YIPF2: variants seen among roughly 807,000 people sequenced by gnomAD.
YIPF2 encodes the protein protein YIPF2.
YIPF2 carries 30 observed loss-of-function variants against 38.8 expected under a neutral mutation model. That is an observed-to-expected ratio of 0.77 (90% CI 0.58 to 1.05). The LOEUF (loss-of-function observed/expected upper bound fraction) is 1.05. Ranked by LOEUF, YIPF2 falls within the 50% of genes least tolerant of loss-of-function variation. YIPF2 has a pLI of 0.00. For missense variants in YIPF2, 401 were observed against 409.7 expected (o/e 0.98, Z 0.18); for synonymous variants, 194 against 183.8 (o/e 1.06, Z -0.45).
rs1433116098 is a variant in YIPF2 at position 10,928,262 on chromosome 19, C to T, written c.31+118G>A. 3.2e-6 allele frequency: 4 copies of T among 1,255,532 alleles called. No homozygotes were observed. The South Asian group carries it at 9.5e-5, about 30-fold the overall frequency. 77.8% of individuals were successfully genotyped at this position (1,255,532 alleles called of 1,614,324 possible). On this transcript the variant is annotated intron_variant, in intron 2 of 9. Transcript: ENST00000586748. ...TTCGAGTCAGAGATGGGTCTCACTC[C>T]TGGGTCAGGGTTCACAGCCGCCTAG... is the stretch of plus-strand genomic sequence containing the variant.
Position 10,923,359 on chromosome 19 carries a change from G to C in YIPF2, c.883C>G (p.Gln295Glu). 1 of 1,613,490 alleles carries C rather than the reference G, an allele frequency of 6.2e-7. No individual in the cohort carries two copies. The highest frequency in any genetic ancestry group is 8.5e-7 in the Non-Finnish European group (1 of 1,179,724). Residue 295 changes from glutamine (Q) to glutamate (E), a missense_variant, in exon 9 of 10, where the codon CAA becomes GAA. Coordinates refer to ENST00000586748, the MANE Select transcript of YIPF2 (RefSeq NM_001321439.2). Reference protein sequence around the residue: ...LPPENVAPPPQITSLPSNIAL... With the variant: ...LPPENVAPPPEITSLPSNIAL... ...ATGTTTGAGGGCAGAGATGTGATTT[G>C]GGGTGGAGGAGCCACGTTCTCCGGA...
intron 4 of YIPF2, 117 bp from the exon 5 acceptor site, chr19:10,925,890 T>A: frequency 2.2e-4 from 139 of 644,596 alleles, no homozygotes; most frequent in Middle Eastern, 4.7e-4. Context: ...CTGAAAGAAC[T>A]CAGCCTTTCC....
chr19:10,923,596 A>G lies in YIPF2; in HGVS notation c.733T>C (p.Phe245Leu), dbSNP rs371435738. ...ALGLSAAGLV[F>L]TLWPVVREDT... ...TCACGGACCACGGGCCAGAGGGTGAATACCAGCCCGGCGGCTGACAGGCCC... is the reference window on the plus strand; with the variant it reads ...TCACGGACCACGGGCCAGAGGGTGAGTACCAGCCCGGCGGCTGACAGGCCC... The change falls in exon 8 of 10, where the codon TTC becomes CTC. Residue 245 changes from phenylalanine (F) to leucine (L), a missense_variant. Phe to Leu is a conservative substitution (Grantham distance 22). Transcript: ENST00000586748. The G allele has an allele frequency of 1.4e-5, 23 of 1,612,936 alleles. No individual in the cohort carries two copies. In the Middle Eastern group the frequency reaches 4.9e-4, roughly 35 times the overall value.
In YIPF2 at chr19:10,922,285, C is replaced by T. The variant is rs1308821957; in HGVS notation, c.*909G>A. 1 of 152,736 alleles carries T rather than the reference C, an allele frequency of 6.5e-6. No homozygotes were observed. The highest frequency in any genetic ancestry group is 1.5e-5 in the Non-Finnish European group (1 of 68,104). 9.5% of individuals were successfully genotyped at this position (152,736 alleles called of 1,614,324 possible). On this transcript the variant is annotated 3_prime_UTR_variant, in exon 10 of 10. Coordinates refer to ENST00000586748, the MANE Select transcript of YIPF2 (RefSeq NM_001321439.2). ...GGCCGGCCGGGCCGAGCCAGCAGCC[C>T]CTCTCCCTAGACTCAGAGGCGCCGC...
intron 4 of YIPF2, 70 bp from the exon 5 acceptor site, chr19:10,925,843 C>G: frequency 6.9e-7 from 1 of 1,459,510 alleles, no homozygotes; most frequent in Admixed American, 1.9e-5. Flanking sequence ...GAGGCTCCTT[C>G]CCTGCTGACC....
At chr19:10,926,412 G>A (rs576883639) in intron 4 of YIPF2, among the ~76,000 whole-genome samples, 2 of 151,614 alleles carry the variant, frequency 1.3e-5, no homozygotes, top group Non-Finnish European at 2.9e-5. Flanking sequence ...ATTTTTAGTA[G>A]AGATGGGGTT....
intron 4 of YIPF2, 132 bp from the exon 5 acceptor site, chr19:10,925,905 C>T (rs1192067109): frequency 7.8e-4 from 339 of 434,042 alleles, no homozygotes; most frequent in South Asian, 3.1e-3. Flanking sequence ...CTTTCCCTCT[C>T]TTTTTTTTTT....
Position 10,923,660 on chromosome 19 carries a change from A to G in YIPF2, c.669T>C (p.Pro223=), listed in dbSNP as rs994092519. ...FIPMVVLWLI[P]VPWLQWLFGA... The stretch of plus-strand genomic sequence containing the variant: ...CAAAGAGCCACTGCAGCCAAGGCAC[A>G]GGGATGAGCCACAGGACCTGGGAGC... The change falls in exon 8 of 10, where the codon CCT becomes CCC. Residue 223 remains proline (P), a synonymous_variant. Transcript: ENST00000586748. The G allele has an allele frequency of 7.5e-6, 12 of 1,609,992 alleles. No homozygotes were observed. In the African/African-American group the frequency reaches 1.3e-4, roughly 18 times the overall value.
Position 10,922,827 on chromosome 19 carries a change from AGAT to A in YIPF2, c.*364_*366del, listed in dbSNP as rs960409329. 1 of 154,714 alleles carries A rather than the reference AGAT, an allele frequency of 6.5e-6. No homozygotes were observed. The highest frequency in any genetic ancestry group is 1.4e-5 in the Non-Finnish European group (1 of 69,778). 9.6% of individuals were successfully genotyped at this position (154,714 alleles called of 1,614,324 possible). Reference sequence around the variant, plus strand: ...CCCTGTTTCTCATACCCCCAAACTCAGATGCTGGAGCTCAGGCCCGCCGTGTGT... The same window carrying A: ...CCCTGTTTCTCATACCCCCAAACTCAGCTGGAGCTCAGGCCCGCCGTGTGT... On this transcript the variant is annotated 3_prime_UTR_variant, in exon 10 of 10. Coordinates refer to ENST00000586748, the MANE Select transcript of YIPF2 (RefSeq NM_001321439.2).
Position 10,927,948 on chromosome 19 carries a change from C to A in YIPF2, c.43G>T (p.Ala15Ser). The A allele has an allele frequency of 6.2e-7, 1 of 1,606,546 alleles. No individual in the cohort carries two copies. The highest frequency in any genetic ancestry group is 1.1e-5 in the South Asian group (1 of 90,946). Residue 15 changes from alanine (A) to serine (S), a missense_variant, in exon 3 of 10, where the codon GCC becomes TCC. By Grantham distance (99) the Ala-to-Ser change is moderately conservative. Coordinates refer to ENST00000586748, the MANE Select transcript of YIPF2 (RefSeq NM_001321439.2). ...DELTFHEFEE[A>S]TNLLADTPDA... ...GGGGTGTCAGCCAGAAGATTAGTGGCCTCCTCGAATTCTGTGGAGGAGGTA... is the reference window on the plus strand; with the variant it reads ...GGGGTGTCAGCCAGAAGATTAGTGGACTCCTCGAATTCTGTGGAGGAGGTA...
intron 2 of YIPF2, 128 bp downstream of exon 2, chr19:10,928,252 G>A: frequency 8.5e-7 from 1 of 1,170,190 alleles, no homozygotes; most frequent in Non-Finnish European, 1.1e-6. Context: ...GTCAGAGATG[G>A]GTCTCACTCC....
At chr19:10,926,198 A>G (rs934350869) in intron 4 of YIPF2, among the ~76,000 whole-genome samples, 15 of 148,778 alleles carry the variant, frequency 1.0e-4, no homozygotes, top group Admixed American at 1.0e-3. Context: ...GGCGTGAGCC[A>G]CCGTTCCCAG....
intron 2 of YIPF2, 35 bp downstream of exon 2, chr19:10,928,345 A>C: frequency 7.6e-7 from 1 of 1,323,182 alleles, no homozygotes; most frequent in Non-Finnish European, 9.7e-7. Flanking sequence ...CCGGGGCGGG[A>C]GTGGGAGATC....
Position 10,923,384 on chromosome 19 carries a change from A to C in YIPF2, c.858T>G (p.Pro286=). The change falls in exon 9 of 10, where the codon CCT becomes CCG. Residue 286 remains proline, a synonymous_variant. Transcript: ENST00000586748. The stretch of plus-strand genomic sequence containing the variant: ...GGGGTGGAGGAGCCACGTTCTCCGG[A>C]GGCAGCGACTGGAAGAAGTACAACT... ...GCKLYFFQSL[P]PENVAPPPQI... is the part of the protein sequence containing the mutation. 6.2e-7 allele frequency: 1 copy of C among 1,613,618 alleles called. No homozygotes were observed. The highest frequency in any genetic ancestry group is 8.5e-7 in the Non-Finnish European group (1 of 1,179,778).
At position 10,923,872 on chromosome 19, in the gene YIPF2, GCA is replaced by G. The variant is rs746044305; in HGVS notation, c.610_611del (p.Cys204HisfsTer49). 5.0e-6 allele frequency: 8 copies of G among 1,613,350 alleles called. No individual in the cohort carries two copies. The Admixed American group carries it at 5.0e-5, about 10-fold the overall frequency. On this transcript the variant is annotated frameshift_variant, in exon 7 of 10. Transcript: ENST00000586748. LOFTEE classifies it high-confidence loss of function. ...MGPYTFLETV[C>X]IYGYSLFVFI... ...AGACAAAGAGGGAGTAGCCGTAGAT[GCA>G]CACAGTCTCCAGGAAGGTGTAGGGC...
At position 10,922,818 on chromosome 19, in the gene YIPF2, C is replaced by G. The variant is rs2074280808; in HGVS notation, c.*376G>C. The G allele has an allele frequency of 6.5e-6, 1 of 154,370 alleles. No individual in the cohort carries two copies. Among genetic ancestry groups the G allele is most frequent in the African/African-American group, 2.4e-5 (1 of 41,566 alleles). The allele number at this position is 154,370 out of a possible 1,614,324, so 9.6% of individuals were successfully genotyped here. A position where few individuals can be genotyped will look rare whatever the true frequency, so the allele number is the denominator to read the frequency against. ...CTTCTGCTCCCCTGTTTCTCATACC[C>G]CCAAACTCAGATGCTGGAGCTCAGG... On this transcript the variant is annotated 3_prime_UTR_variant, in exon 10 of 10. Coordinates refer to ENST00000586748, the MANE Select transcript of YIPF2 (RefSeq NM_001321439.2).
Position 10,923,125 on chromosome 19 carries a change from A to G in YIPF2, c.*69T>C, listed in dbSNP as rs1037508546. On this transcript the variant is annotated 3_prime_UTR_variant, in exon 10 of 10. Coordinates refer to ENST00000586748, the MANE Select transcript of YIPF2 (RefSeq NM_001321439.2). ...CAAGGTGTCAAAGGAGCCTTCAGTC[A>G]TCGTCTGGGGGGCAGGACAGGCAGA... 4.9e-6 allele frequency: 3 copies of G among 610,560 alleles called. No individual in the cohort carries two copies. The highest frequency in any genetic ancestry group is 3.8e-5 in the African/African-American group (2 of 52,920). The allele number at this position is 610,560 out of a possible 1,614,324, so 37.8% of individuals were successfully genotyped here.
chr19:10,924,059 C>T lies in YIPF2; in HGVS notation c.484+17G>A, dbSNP rs769595485. On this transcript the variant is annotated intron_variant, in intron 6 of 9. Coordinates refer to ENST00000586748, the MANE Select transcript of YIPF2 (RefSeq NM_001321439.2). ...CCCCAGGGCCCTGCCAGGCATTGGG[C>T]CTGCCCGTCTGCTTACCCTTGTGGA... is the stretch of plus-strand genomic sequence containing the variant. 1 of 1,613,246 alleles carries T rather than the reference C, an allele frequency of 6.2e-7. No individual in the cohort carries two copies. Among genetic ancestry groups the T allele is most frequent in the Admixed American group, 1.7e-5 (1 of 59,984 alleles).
rs145854773 is a variant in YIPF2 at position 10,923,508 on chromosome 19, G to T, written c.821C>A (p.Ala274Asp). 1.2e-6 allele frequency: 2 copies of T among 1,612,752 alleles called. No individual in the cohort carries two copies. Among genetic ancestry groups the T allele is most frequent in the Non-Finnish European group, 1.7e-6 (2 of 1,179,712 alleles). The change falls in exon 8 of 10, where the codon GCC (alanine) becomes GAC (aspartate). Residue 274 changes from alanine to aspartate, a missense_variant. Ala to Asp is a moderately radical substitution (Grantham distance 126, BLOSUM62 -2). Transcript: ENST00000586748. The stretch of plus-strand genomic sequence containing the variant: ...CCAGACCCGTACCTTACAGCCCATG[G>T]CCAGGAGGGCGTGGAGCAGCACGAC... ...SVVVLLHALL[A>D]MGCKLYFFQS... is the part of the protein sequence containing the mutation.
Sources: gnomAD v4.1 joint callset for allele counts (sites outside exome capture counted in the v4.1 genomes callset) on GRCh38, gnomAD v4.1.1 for gene constraint, MANE v1.5 for transcripts, NCBI Gene and HGNC (gene_info 2026-07-23, HGNC 2026-07-21) for gene names.